Variants in HEPHL1 observed in about 807,000 individuals in gnomAD.
The protein encoded by HEPHL1 is ferroxidase HEPHL1.
In HEPHL1, 123 loss-of-function variants were observed where a neutral mutation model predicts 122.0. The ratio of observed to expected loss-of-function variants is 1.01; its 90% CI spans 0.87 to 1.17. The LOEUF is 1.17. Among genes scored for constraint, HEPHL1 ranks in the 50% most tolerant of loss-of-function variants. The pLI, the probability that HEPHL1 is intolerant of heterozygous loss-of-function variation, is 0.00. For missense variants in HEPHL1, 1,452 were observed against 1,430.5 expected, an observed-to-expected ratio of 1.01 and a Z score of -0.24; for synonymous variants, 527 against 508.9, an observed-to-expected ratio of 1.04 and a Z score of -0.48.
chr11:94,089,934 C>G (rs533065110), intron 12 of HEPHL1, among the ~76,000 whole-genome samples: 1 of 152,234 alleles, frequency 6.6e-6, no homozygotes, highest in Non-Finnish European at 1.5e-5. Context: ...ACCCTCGCCC[C>G]CTGCCACCAT....
Position 94,045,739 on chromosome 11 carries a change from C to G in HEPHL1, c.237C>G (p.Tyr79Ter), listed in dbSNP as rs768315885. The G allele has an allele frequency of 6.2e-7, 1 of 1,613,624 alleles. No homozygotes were observed. The highest frequency in any genetic ancestry group is 8.5e-7 in the Non-Finnish European group (1 of 1,179,700). Residue 79 changes from tyrosine (Y) to a stop codon, truncating the protein, a stop_gained, in exon 2 of 20, where the codon TAC (tyrosine) becomes TAG (stop). Transcript: ENST00000315765. LOFTEE classifies it high-confidence loss of function. Reference sequence around the variant, plus strand: ...GCAGTATTTACAAAAAGGCTGTTTACAGACGCTTCACGGATGGAACCTACT... The same window carrying G: ...GCAGTATTTACAAAAAGGCTGTTTAGAGACGCTTCACGGATGGAACCTACT... ...RIGSIYKKAV[Y>*]RRFTDGTYSI...
At position 94,069,314 on chromosome 11, in the gene HEPHL1, T is replaced by A. The variant is rs189484086; in HGVS notation, c.1064-1060T>A. On this transcript the variant is annotated intron_variant, in intron 5 of 19. Transcript: ENST00000315765. ...GGTTTTTTAACAAATAGAGACAGGG[T>A]CTTGCTATGTTGCCCAGGCTGGTCT... Among the ~76,000 whole-genome samples, 1,163 of 152,188 alleles carry A rather than the reference T, an allele frequency of 7.6e-3. 18 individuals carry two copies. The highest frequency in any genetic ancestry group is 0.027 in the African/African-American group (1,122 of 41,530).
Position 94,021,463 on chromosome 11 carries a change from G to T in HEPHL1, c.95G>T (p.Gly32Val). Residue 32 changes from glycine (G) to valine (V), a missense_variant, in exon 1 of 20, where the codon GGG becomes GTG. By Grantham distance (109) the Gly-to-Val change is moderately radical. Coordinates refer to ENST00000315765, the MANE Select transcript of HEPHL1 (RefSeq NM_001098672.2). ...ACAGTTACCAGAACGTACTACATTG[G>T]GATTGTGGAAGAATACTGGAACTAT... ...VGTVTRTYYI[G>V]IVEEYWNYVP... 1.2e-6 allele frequency: 2 copies of T among 1,613,206 alleles called. No individual in the cohort carries two copies. The highest frequency in any genetic ancestry group is 1.7e-6 in the Non-Finnish European group (2 of 1,179,266).
chr11:94,106,790 C>G (rs1448429726), intron 17 of HEPHL1, among the ~76,000 whole-genome samples: 1 of 152,130 alleles, frequency 6.6e-6, no homozygotes, highest in African/African-American at 2.4e-5. Flanking sequence ...CTTTCCCTTT[C>G]CTTCTCCCCA....
intron 13 of HEPHL1, among the ~76,000 whole-genome samples, chr11:94,095,417 G>C (rs1238309443): frequency 6.6e-6 from 1 of 152,216 alleles, no homozygotes; most frequent in African/African-American, 2.4e-5. Flanking sequence ...ACAGTTTGAA[G>C]TCAGGTAGCA....
intron 6 of HEPHL1, 108 bp from the exon 7 acceptor site, chr11:94,072,917 G>A: frequency 2.0e-6 from 2 of 1,003,876 alleles, no homozygotes; most frequent in Non-Finnish European, 3.0e-6. Context: ...CTTTTCTGGG[G>A]ACATGGGTGG....
chr11:94,074,821 C>A (rs1028523530), intron 8 of HEPHL1, among the ~76,000 whole-genome samples: 1 of 152,070 alleles, frequency 6.6e-6, no homozygotes, highest in Non-Finnish European at 1.5e-5. Context: ...GTATCTTCTG[C>A]AAGACCAAGT....
At position 94,056,644 on chromosome 11, in the gene HEPHL1, G is replaced by A. The variant is rs564809786; in HGVS notation, c.416-6864G>A. Among the ~76,000 whole-genome samples, 4 of 10,792 alleles carry A rather than the reference G, an allele frequency of 3.7e-4. No individual in the cohort carries two copies. In the East Asian group the frequency reaches 0.12, roughly 317 times the overall value. 7.1% of individuals were successfully genotyped at this position (10,792 alleles called of 152,430 possible). On this transcript the variant is annotated intron_variant, in intron 2 of 19. Coordinates refer to ENST00000315765, the MANE Select transcript of HEPHL1 (RefSeq NM_001098672.2). ...AAGCTCCATTCTCTCCCCCTCCTTT[G>A]TGCTATTATTGATTATCTATCTATC...
At chr11:94,085,021 A>G (rs536044263) in intron 10 of HEPHL1, among the ~76,000 whole-genome samples, 1 of 152,362 alleles carries the variant, frequency 6.6e-6, no homozygotes, top group African/African-American at 2.4e-5. Flanking sequence ...TTATAACAGA[A>G]GGTCACTCAT....
chr11:94,091,291 G>A (rs1052419473), intron 12 of HEPHL1, among the ~76,000 whole-genome samples: 5 of 152,170 alleles, frequency 3.3e-5, no homozygotes, highest in Non-Finnish European at 1.5e-5. Context: ...GGCCTGACAT[G>A]TGCTTTACAG....
chr11:94,067,467 C>A, intron 4 of HEPHL1, 29 bp from the exon 5 acceptor site: 2 of 1,607,286 alleles, frequency 1.2e-6, no homozygotes, highest in South Asian at 1.1e-5. Flanking sequence ...GCAGGGGAGT[C>A]TCTTCCACTA....
rs768714491 is a variant in HEPHL1 at position 94,082,590 on chromosome 11, C to T, written c.1867+22C>T. The T allele has an allele frequency of 2.5e-6, 4 of 1,591,928 alleles. No homozygotes were observed. In the South Asian group the frequency reaches 4.6e-5, roughly 18 times the overall value. ...CATGGTATGACAAATGACATTCCCG[C>T]CTGTAAATGAAAGGCTGACTTGCAT... On this transcript the variant is annotated intron_variant, in intron 10 of 19. Transcript: ENST00000315765.
Position 94,114,083 on chromosome 11 carries a change from C to G in HEPHL1, c.*2189C>G, listed in dbSNP as rs1033244764. Among the ~76,000 whole-genome samples the G allele has an allele frequency of 6.6e-6, 1 of 152,212 alleles. No individual in the cohort carries two copies. Among genetic ancestry groups the G allele is most frequent in the Admixed American group, 6.5e-5 (1 of 15,282 alleles). On this transcript the variant is annotated 3_prime_UTR_variant, in exon 20 of 20. Transcript: ENST00000315765. ...TGACTTTGGGTCTCATTGCTTCTTG[C>G]TTTCTCAAGACTTCATTCCCTTGGG...
At chr11:94,073,739 T>A (rs1357750358) in intron 8 of HEPHL1, among the ~76,000 whole-genome samples, 1 of 152,132 alleles carries the variant, frequency 6.6e-6, no homozygotes, top group East Asian at 1.9e-4. Context: ...AGTAAGCTAC[T>A]TTCACAGTCA....
Position 94,111,935 on chromosome 11 carries a change from A to G in HEPHL1, c.*41A>G. 7.0e-7 allele frequency: 1 copy of G among 1,424,926 alleles called. No individual in the cohort carries two copies. The highest frequency in any genetic ancestry group is 9.3e-7 in the Non-Finnish European group (1 of 1,070,302). The allele number at this position is 1,424,926 out of a possible 1,614,324, so 88.3% of individuals were successfully genotyped here. ...TCAACAGGAAAGGGTGATGTCCCACAGCTGGCCAGATGGCAGCCAACAGGG... is the reference window on the plus strand; with the variant it reads ...TCAACAGGAAAGGGTGATGTCCCACGGCTGGCCAGATGGCAGCCAACAGGG... On this transcript the variant is annotated 3_prime_UTR_variant, in exon 20 of 20. Transcript: ENST00000315765.
chr11:94,103,150 C>A, intron 15 of HEPHL1, 130 bp downstream of exon 15: 1 of 631,124 alleles, frequency 1.6e-6, no homozygotes. Context: ...ATACTATGGC[C>A]CATTTACGAA....
intron 9 of HEPHL1, among the ~76,000 whole-genome samples, chr11:94,076,180 T>C (rs573637925): frequency 5.3e-4 from 80 of 152,280 alleles, no homozygotes; most frequent in African/African-American, 1.9e-3. Context: ...TTTCTCTACA[T>C]GAAGGAACAA....
At chr11:94,031,725 C>T (rs893629376) in intron 1 of HEPHL1, among the ~76,000 whole-genome samples, 15 of 152,210 alleles carry the variant, frequency 9.9e-5, no homozygotes, top group African/African-American at 3.1e-4. Flanking sequence ...GCTTCTCCAT[C>T]GGGGGTCTAA....
At chr11:94,066,578 A>G (rs866571179) in intron 4 of HEPHL1, among the ~76,000 whole-genome samples, 1 of 152,126 alleles carries the variant, frequency 6.6e-6, no homozygotes, top group African/African-American at 2.4e-5. Flanking sequence ...AGAGAGAGAG[A>G]CTGGAAAAAG....
Sources: gnomAD v4.1 joint callset for allele counts (sites outside exome capture counted in the v4.1 genomes callset) on GRCh38, gnomAD v4.1.1 for gene constraint, MANE v1.5 for transcripts, NCBI Gene and HGNC (gene_info 2026-07-23, HGNC 2026-07-21) for gene names.